The following UXS1 variants were observed in gnomAD, a reference collection of about 807,000 sequenced individuals.
UXS1 encodes the protein UDP-glucuronate decarboxylase 1.
Under a neutral mutation model 62.6 loss-of-function variants are expected in UXS1, and 33 were observed. The ratio of observed to expected loss-of-function variants is 0.53; its 90% confidence interval spans 0.40 to 0.70. The LOEUF (loss-of-function observed/expected upper bound fraction) is 0.70, where lower values mean the gene tolerates loss of function less well. Among genes scored for constraint, UXS1 ranks in the 30% least tolerant of loss-of-function variants. The probability of loss-of-function intolerance (pLI) is 0.00; values close to 1 mark genes in which losing one functional copy is unlikely to be tolerated. For synonymous variants in UXS1, 213 were observed against 206.8 expected (o/e 1.03, Z -0.26); for missense variants, 434 against 556.3 (o/e 0.78, Z 2.21).
chr2:106,180,034 A>G (rs1486357575), intron 1 of UXS1, among the ~76,000 whole-genome samples: 1 of 151,838 alleles, frequency 6.6e-6, no homozygotes, highest in Non-Finnish European at 1.5e-5. Context: ...ACTTGAACCC[A>G]GGAGGCAGAG....
chr2:106,146,772 C>CAAAA lies in UXS1; in HGVS notation c.292-1406_292-1403dup, dbSNP rs55896853. ...CTGGGTGACAGAGAAGACTCCATCT[C>CAAAA]AAAAAAAAAAAAAAAAAAAAAAAAG... On this transcript the variant is annotated intron_variant, in intron 5 of 14. Transcript: ENST00000283148. 6.4e-3 allele frequency among the ~76,000 whole-genome samples: 285 copies of CAAAA among 44,778 alleles called. 1 individual carries two copies. Among genetic ancestry groups the CAAAA allele is most frequent in the Middle Eastern group, 0.036 (1 of 28 alleles). The allele number at this position is 44,778 out of a possible 152,430, so 29.4% of individuals were successfully genotyped here. A position where few individuals can be genotyped will look rare whatever the true frequency, so the allele number is the denominator to read the frequency against.
chr2:106,191,526 T>C (rs1390398197), intron 1 of UXS1, among the ~76,000 whole-genome samples: 2 of 152,242 alleles, frequency 1.3e-5, no homozygotes, highest in Non-Finnish European at 2.9e-5. Flanking sequence ...CCACCCTGTG[T>C]TAAACCCCTC....
rs559581777 is a variant in UXS1, at chr2:106,097,601, C to G, written c.1043-780G>C. 2.5e-5 allele frequency: 6 copies of G among 235,504 alleles called. No homozygotes were observed. In the South Asian group the frequency reaches 3.9e-4, roughly 15 times the overall value. The allele number at this position is 235,504 out of a possible 1,614,324, so 14.6% of individuals were successfully genotyped here. ...AAATAGTGTTTCTCAAGCGTCAGCA[C>G]GCACGGATCACCTGAAGAGCCTGTC... On this transcript the variant is annotated intron_variant, in intron 13 of 14. Coordinates refer to ENST00000283148, the MANE Select transcript of UXS1 (RefSeq NM_001253875.2).
At chr2:106,111,213 AC>A (rs1678573956) in intron 10 of UXS1, among the ~76,000 whole-genome samples, 1 of 152,140 alleles carries the variant, frequency 6.6e-6, no homozygotes, top group African/African-American at 2.4e-5. Flanking sequence ...GTCTGGATCT[AC>A]CTAGGGAGGG....
At chr2:106,179,834 G>A (rs2105102291) in intron 1 of UXS1, among the ~76,000 whole-genome samples, 1 of 152,302 alleles carries the variant, frequency 6.6e-6, no homozygotes, top group African/African-American at 2.4e-5. Flanking sequence ...ACGGCCAGGT[G>A]TGGTGGCTCA....
chr2:106,163,935 A>G (rs1487397236), intron 3 of UXS1, among the ~76,000 whole-genome samples: 1 of 152,224 alleles, frequency 6.6e-6, no homozygotes, highest in Non-Finnish European at 1.5e-5. Flanking sequence ...TTCTGAGACA[A>G]TTAATGTTTT....
rs181897095 is a variant in UXS1, at chr2:106,186,614, A to T, written c.94+7534T>A. ...TTAGAGGCATAAAACCAAATGCAACATGTAAATCTTGACTGGGTCCTAGAT... is the reference window on the plus strand; with the variant it reads ...TTAGAGGCATAAAACCAAATGCAACTTGTAAATCTTGACTGGGTCCTAGAT... On this transcript the variant is annotated intron_variant, in intron 1 of 14. Coordinates refer to ENST00000283148, the MANE Select transcript of UXS1 (RefSeq NM_001253875.2). Among the ~76,000 whole-genome samples, 22 of 152,226 alleles carry T rather than the reference A, an allele frequency of 1.4e-4. No homozygotes were observed. In the East Asian group the frequency reaches 3.3e-3, roughly 23 times the overall value.
intron 5 of UXS1, among the ~76,000 whole-genome samples, chr2:106,155,624 T>C (rs1388393989): frequency 6.6e-6 from 1 of 152,214 alleles, no homozygotes; most frequent in East Asian, 1.9e-4. Context: ...GGTCATACCA[T>C]GTAGCCTAAG....
At chr2:106,143,326 G>A (rs1302148393) in intron 6 of UXS1, among the ~76,000 whole-genome samples, 2 of 146,264 alleles carry the variant, frequency 1.4e-5, no homozygotes, top group African/African-American at 5.1e-5. Flanking sequence ...GGAGAATGGC[G>A]TGAACCCGGG....
At chr2:106,140,221 C>T (rs888325933) in intron 6 of UXS1, among the ~76,000 whole-genome samples, 3 of 152,192 alleles carry the variant, frequency 2.0e-5, no homozygotes, top group Non-Finnish European at 4.4e-5. Context: ...GTGCTGTCGA[C>T]TGTTCTGAGC....
intron 1 of UXS1, among the ~76,000 whole-genome samples, chr2:106,186,013 T>C (rs1684525237): frequency 6.6e-6 from 1 of 152,154 alleles, no homozygotes; most frequent in South Asian, 2.1e-4. Flanking sequence ...CACGGGAAAC[T>C]AATACAGTGA....
intron 5 of UXS1, among the ~76,000 whole-genome samples, chr2:106,148,620 T>TC (rs894052570): frequency 8.5e-5 from 13 of 152,342 alleles, no homozygotes; most frequent in African/African-American, 2.9e-4. Context: ...AATTTTTTTT[T>TC]CTGAAGTAAT....
At chr2:106,163,962 T>C (rs1350580647) in intron 3 of UXS1, among the ~76,000 whole-genome samples, 2 of 152,188 alleles carry the variant, frequency 1.3e-5, no homozygotes, top group East Asian at 1.9e-4. Flanking sequence ...CCCATCCTAC[T>C]AGGAAGAATG....
chr2:106,173,295 C>A (rs1683677922), intron 1 of UXS1, among the ~76,000 whole-genome samples: 1 of 152,198 alleles, frequency 6.6e-6, no homozygotes, highest in Non-Finnish European at 1.5e-5. Flanking sequence ...GGTGTGGTGG[C>A]TGATGCCTGT....
At chr2:106,116,634 T>C (rs1679083578) in intron 9 of UXS1, among the ~76,000 whole-genome samples, 1 of 152,182 alleles carries the variant, frequency 6.6e-6, no homozygotes. Flanking sequence ...TGTTACTCTG[T>C]TTGATGTGGA....
intron 5 of UXS1, among the ~76,000 whole-genome samples, chr2:106,157,369 A>C (rs1352624432): frequency 6.6e-6 from 1 of 152,218 alleles, no homozygotes; most frequent in African/African-American, 2.4e-5. Flanking sequence ...CTGATGTTTA[A>C]CAAGAGCACT....
At position 106,112,660 on chromosome 2, in the gene UXS1, C is replaced by G. The variant is rs756293639; in HGVS notation, c.865G>C (p.Gly289Arg). ...VSNFILQALQ[G>R]EPLTVYGSGS... ...CCAGCACCTACCGTGAGTGGCTCCC[C>G]CTGGAGCGCCTGCAGGATGAAGTTG... The change falls in exon 10 of 15, where the codon GGG becomes CGG. Residue 289 changes from glycine (G) to arginine (R), a missense_variant. Physicochemically the swap from Gly to Arg is moderately radical, Grantham distance 125 (BLOSUM62 -2). Coordinates refer to ENST00000283148, the MANE Select transcript of UXS1 (RefSeq NM_001253875.2). 6.8e-6 allele frequency: 11 copies of G among 1,613,832 alleles called. No homozygotes were observed. The highest frequency in any genetic ancestry group is 1.3e-5 in the African/African-American group (1 of 74,924).
chr2:106,188,365 A>C (rs978644623), intron 1 of UXS1, among the ~76,000 whole-genome samples: 1 of 152,192 alleles, frequency 6.6e-6, no homozygotes, highest in Non-Finnish European at 1.5e-5. Context: ...ATTTATACTT[A>C]GGGTCAAGAA....
At chr2:106,152,327 C>CCA (rs1682084280) in intron 5 of UXS1, among the ~76,000 whole-genome samples, 2 of 152,100 alleles carry the variant, frequency 1.3e-5, no homozygotes, top group Non-Finnish European at 2.9e-5. Context: ...TGGAGCACAC[C>CCA]TGTAATCCCA....
Sources: allele counts gnomAD v4.1 joint callset (sites outside exome capture counted in the v4.1 genomes callset), GRCh38; gene constraint gnomAD v4.1.1; transcripts MANE v1.5; gene names NCBI Gene and HGNC (gene_info 2026-07-23, HGNC 2026-07-21).